ATF7IP2: variants seen among roughly 807,000 people sequenced by gnomAD.
ATF7IP2 encodes the protein activating transcription factor 7 interacting protein 2, also known as activating transcription factor 7-interacting protein 2.
A neutral mutation model predicts 64.2 loss-of-function variants in ATF7IP2; 42 were observed. The observed-to-expected ratio is 0.65, with a 90% CI of 0.51 to 0.85. The LOEUF (loss-of-function observed/expected upper bound fraction) is 0.85, where lower values mean the gene tolerates loss of function less well. Ranked by LOEUF, ATF7IP2 falls within the 40% of genes least tolerant of loss-of-function variation. The pLI, the probability that ATF7IP2 is intolerant of heterozygous loss-of-function variation, is 0.00. For synonymous variants in ATF7IP2, 308 were observed against 272.8 expected, an observed-to-expected ratio of 1.13 and a Z score of -1.27; for missense variants, 933 against 784.2, an observed-to-expected ratio of 1.19 and a Z score of -2.27.
chr16:10,464,134 G>A (rs1370158906), intron 9 of ATF7IP2, among the ~76,000 whole-genome samples: 2 of 152,148 alleles, frequency 1.3e-5, no homozygotes, highest in East Asian at 3.8e-4. Context: ...GCTTTCTAAT[G>A]TCTTCAAATA....
intron 12 of ATF7IP2, among the ~76,000 whole-genome samples, chr16:10,474,225 A>G (rs1342176453): frequency 1.3e-5 from 2 of 152,170 alleles, no homozygotes; most frequent in Non-Finnish European, 2.9e-5. Context: ...GCAGCCACCA[A>G]TCTGTTCTGT....
At chr16:10,435,226 C>G (rs2048380929) in intron 6 of ATF7IP2, among the ~76,000 whole-genome samples, 1 of 152,178 alleles carries the variant, frequency 6.6e-6, no homozygotes, top group South Asian at 2.1e-4. Flanking sequence ...ACATTGTTCT[C>G]CCCTACTGAA....
At chr16:10,476,168 C>T (rs980805864) in intron 12 of ATF7IP2, among the ~76,000 whole-genome samples, 1 of 152,168 alleles carries the variant, frequency 6.6e-6, no homozygotes, top group Non-Finnish European at 1.5e-5. Context: ...TCTCTTAAAG[C>T]TAGTACAAAA....
chr16:10,410,347 GTTTTGTTTTGTTTTTGT>G (rs2047732937), intron 1 of ATF7IP2, among the ~76,000 whole-genome samples: 1 of 110,984 alleles, frequency 9.0e-6, no homozygotes, highest in Non-Finnish European at 1.9e-5. Context: ...GTTTTGTTTT[GTTTTGTTTTGTTTTTGT>G]TTTTGTTTTG....
rs201158427 is a variant in ATF7IP2, at chr16:10,479,958, C to CT, written c.1550-878dup. On this transcript the variant is annotated intron_variant, in intron 12 of 13. Coordinates refer to ENST00000562102, the MANE Select transcript of ATF7IP2 (RefSeq NM_001393719.1). ...TCTCAGTGATTTAGAACTGGAAATA[C>CT]TTTTTTTTTTTTTTTTTTTTTTTTT... is the stretch of plus-strand genomic sequence containing the variant. Among the ~76,000 whole-genome samples the CT allele has an allele frequency of 1.2e-3, 98 of 80,560 alleles. 5 individuals are homozygous for CT. The highest frequency in any genetic ancestry group is 1.6e-3 in the Non-Finnish European group (65 of 41,132). The allele number at this position is 80,560 out of a possible 152,430, so 52.9% of individuals were successfully genotyped here. A position where few individuals can be genotyped will look rare whatever the true frequency, so the allele number is the denominator to read the frequency against.
intron 8 of ATF7IP2, among the ~76,000 whole-genome samples, chr16:10,456,372 T>G (rs1388206082): frequency 6.6e-6 from 1 of 152,184 alleles, no homozygotes; most frequent in Non-Finnish European, 1.5e-5. Context: ...CTTTTGCTAG[T>G]GCCTTGGAAG....
intron 3 of ATF7IP2, among the ~76,000 whole-genome samples, chr16:10,424,845 G>T (rs1198907659): frequency 6.6e-6 from 1 of 152,126 alleles, no homozygotes; most frequent in East Asian, 1.9e-4. Flanking sequence ...AGAAGTGTTG[G>T]TGAAAAGATG....
chr16:10,422,332 A>C (rs2048002658), intron 3 of ATF7IP2, among the ~76,000 whole-genome samples: 1 of 152,156 alleles, frequency 6.6e-6, no homozygotes, highest in African/African-American at 2.4e-5. Flanking sequence ...GTTCCTTCAA[A>C]CTTTGCAAAT....
At chr16:10,413,414 C>G (rs1429381802) in intron 1 of ATF7IP2, among the ~76,000 whole-genome samples, 1 of 152,140 alleles carries the variant, frequency 6.6e-6, no homozygotes, top group African/African-American at 2.4e-5. Flanking sequence ...TGCCTCCCGC[C>G]ATGGTTCTGA....
chr16:10,480,954 A>T lies in ATF7IP2; in HGVS notation c.1625A>T (p.Asn542Ile). Reference sequence around the variant, plus strand: ...AAGGAAACAACCCCATTGGCACAAAATGCAGTCCAGGTACTGAATCAAAGT... The same window carrying T: ...AAGGAAACAACCCCATTGGCACAAATTGCAGTCCAGGTACTGAATCAAAGT... ...NSKETTPLAQ[N>I]AVQVPESFEH... The change falls in exon 13 of 14, where the codon AAT becomes ATT. Residue 542 changes from asparagine to isoleucine, a missense_variant. Physicochemically the swap from Asn to Ile is moderately radical, Grantham distance 149. Transcript: ENST00000562102. 1 of 1,606,640 alleles carries T rather than the reference A, an allele frequency of 6.2e-7. No individual in the cohort carries two copies. Among genetic ancestry groups the T allele is most frequent in the Non-Finnish European group, 8.5e-7 (1 of 1,173,316 alleles).
chr16:10,435,902 G>C (rs1360483078), intron 6 of ATF7IP2, among the ~76,000 whole-genome samples: 1 of 152,116 alleles, frequency 6.6e-6, no homozygotes, highest in African/African-American at 2.4e-5. Context: ...AACACTGTTA[G>C]AGAAACACTG....
intron 8 of ATF7IP2, among the ~76,000 whole-genome samples, chr16:10,453,203 A>G (rs553356966): frequency 1.8e-4 from 27 of 152,284 alleles, no homozygotes; most frequent in African/African-American, 6.5e-4. Context: ...CTTGAAACCC[A>G]GGGCCGTGGT....
intron 9 of ATF7IP2, among the ~76,000 whole-genome samples, chr16:10,461,451 G>C (rs187880053): frequency 6.6e-6 from 1 of 152,064 alleles, no homozygotes; most frequent in Non-Finnish European, 1.5e-5. Flanking sequence ...AAAGGAAAAA[G>C]TGTCCATCTA....
chr16:10,439,049 CAAA>C (rs755392953), intron 7 of ATF7IP2, among the ~76,000 whole-genome samples: 3 of 102,430 alleles, frequency 2.9e-5, no homozygotes, highest in East Asian at 2.9e-4. Flanking sequence ...GACTCCATCT[CAAA>C]AAAAAAAAAA....
chr16:10,470,360 T>C (rs2049746148), intron 9 of ATF7IP2, among the ~76,000 whole-genome samples: 1 of 152,112 alleles, frequency 6.6e-6, no homozygotes, highest in South Asian at 2.1e-4. Flanking sequence ...AAAGTATTAC[T>C]GAAGAAATTA....
At chr16:10,406,621 T>C (rs1158495766) in intron 1 of ATF7IP2, among the ~76,000 whole-genome samples, 1 of 152,176 alleles carries the variant, frequency 6.6e-6, no homozygotes, top group Non-Finnish European at 1.5e-5. Context: ...CCTTTGTGGC[T>C]ACTATGAGCA....
chr16:10,441,423 C>T (rs941965740), intron 8 of ATF7IP2, among the ~76,000 whole-genome samples: 2 of 152,100 alleles, frequency 1.3e-5, no homozygotes, highest in Non-Finnish European at 2.9e-5. Flanking sequence ...CTGTTGTTTC[C>T]TGACTTTTTA....
intron 8 of ATF7IP2, 100 bp downstream of exon 8, chr16:10,440,562 A>C: frequency 1.4e-6 from 1 of 710,372 alleles, no homozygotes; most frequent in Non-Finnish European, 2.3e-6. Context: ...CAGAAGGTGT[A>C]AAGGTAAGTA....
In ATF7IP2 at chr16:10,479,080, G is replaced by A. The variant is rs534872996; in HGVS notation, c.1550-1799G>A. Among the ~76,000 whole-genome samples the A allele has an allele frequency of 4.4e-3, 666 of 151,064 alleles. 6 individuals are homozygous for A. The highest frequency in any genetic ancestry group is 0.015 in the African/African-American group (613 of 40,968). ...ACTGTAAACTAGTTCAACCCTTGTG[G>A]AAGTCAGTGTGGCAATTCCTCAGGG... On this transcript the variant is annotated intron_variant, in intron 12 of 13. Transcript: ENST00000562102.
Sources: gnomAD v4.1 joint callset for allele counts (sites outside exome capture counted in the v4.1 genomes callset) on GRCh38, gnomAD v4.1.1 for gene constraint, MANE v1.5 for transcripts, NCBI Gene and HGNC (gene_info 2026-07-23, HGNC 2026-07-21) for gene names.